TMEM38B: variants seen among roughly 807,000 people sequenced by gnomAD.
TMEM38B encodes trimeric intracellular cation channel type B.
In TMEM38B, 24 loss-of-function variants were observed where a neutral mutation model predicts 28.7. The ratio of observed to expected loss-of-function variants is 0.84; its 90% CI spans 0.61 to 1.18. The LOEUF (loss-of-function observed/expected upper bound fraction) is 1.18. Among genes scored for constraint, TMEM38B ranks in the 50% most tolerant of loss-of-function variants. The pLI, the probability that TMEM38B is intolerant of heterozygous loss-of-function variation, is 0.00. For missense variants in TMEM38B, 380 were observed against 350.9 expected (o/e 1.08, Z -0.66); for synonymous variants, 131 against 127.7 (o/e 1.03, Z -0.17).
chr9:105,770,645 A>C (rs1450282081), intron 5 of TMEM38B, among the ~76,000 whole-genome samples: 1 of 152,160 alleles, frequency 6.6e-6, no homozygotes, highest in Non-Finnish European at 1.5e-5. Context: ...CTATGGAGAA[A>C]GCATAGAGTG....
At chr9:105,704,482 T>C (rs1368082711) in intron 1 of TMEM38B, among the ~76,000 whole-genome samples, 2 of 149,530 alleles carry the variant, frequency 1.3e-5, no homozygotes, top group African/African-American at 2.6e-5. Flanking sequence ...TTTATTGGCC[T>C]TTTTTTTGGG....
chr9:105,747,450 A>G (rs1237939757), intron 4 of TMEM38B, among the ~76,000 whole-genome samples: 1 of 151,924 alleles, frequency 6.6e-6, no homozygotes, highest in African/African-American at 2.4e-5. Flanking sequence ...TATTGCGTCT[A>G]TTTGAGTCTT....
intron 4 of TMEM38B, among the ~76,000 whole-genome samples, chr9:105,737,603 T>C (rs1217952438): frequency 6.6e-6 from 1 of 152,156 alleles, no homozygotes; most frequent in Non-Finnish European, 1.5e-5. Flanking sequence ...TGGGGACTAG[T>C]CCAGTTCTGT....
At chr9:105,773,530 A>C (rs967097740) in intron 5 of TMEM38B, among the ~76,000 whole-genome samples, 1 of 152,206 alleles carries the variant, frequency 6.6e-6, no homozygotes, top group Non-Finnish European at 1.5e-5. Flanking sequence ...CGACAATGTA[A>C]AGCACTTATC....
intron 5 of TMEM38B, among the ~76,000 whole-genome samples, chr9:105,767,402 A>C (rs562695171): frequency 3.3e-5 from 5 of 152,172 alleles, no homozygotes; most frequent in Non-Finnish European, 7.4e-5. Flanking sequence ...TTATTTTCTC[A>C]ATATTTCTTA....
intron 5 of TMEM38B, among the ~76,000 whole-genome samples, chr9:105,768,707 T>C (rs1024670358): frequency 3.3e-5 from 5 of 152,188 alleles, no homozygotes; most frequent in African/African-American, 4.8e-5. Flanking sequence ...TAATAGTTTT[T>C]TGTTATCCCT....
chr9:105,704,658 G>A (rs1835588580), intron 1 of TMEM38B, among the ~76,000 whole-genome samples: 1 of 151,974 alleles, frequency 6.6e-6, no homozygotes, highest in African/African-American at 2.4e-5. Flanking sequence ...GGGCTCGGTG[G>A]CTCACGCCTG....
intron 4 of TMEM38B, among the ~76,000 whole-genome samples, chr9:105,746,367 G>T (rs1182113728): frequency 1.3e-5 from 2 of 152,028 alleles, no homozygotes; most frequent in Admixed American, 6.6e-5. Flanking sequence ...CTCATGATTT[G>T]GCTCTCTATT....
chr9:105,755,717 G>A (rs964983653), intron 5 of TMEM38B, among the ~76,000 whole-genome samples: 3 of 151,978 alleles, frequency 2.0e-5, no homozygotes, highest in African/African-American at 7.3e-5. Flanking sequence ...ATTTAGTTGG[G>A]CCATCTTTGT....
Position 105,774,746 on chromosome 9 carries a change from T to C in TMEM38B, c.*666T>C, listed in dbSNP as rs1324042365. 2 of 152,032 alleles carry C rather than the reference T, an allele frequency of 1.3e-5. No individual in the cohort carries two copies. The highest frequency in any genetic ancestry group is 4.8e-5 in the African/African-American group (2 of 41,450). 9.4% of individuals were successfully genotyped at this position (152,032 alleles called of 1,614,324 possible). On this transcript the variant is annotated 3_prime_UTR_variant, in exon 6 of 6. Transcript: ENST00000374692. Reference sequence around the variant, plus strand: ...ATTTAGAACAGAGTATGAGTCTTAATCTGAAGTCTTTTTCATGCCCTTGTT... The same window carrying C: ...ATTTAGAACAGAGTATGAGTCTTAACCTGAAGTCTTTTTCATGCCCTTGTT...
intron 5 of TMEM38B, among the ~76,000 whole-genome samples, chr9:105,765,146 T>G (rs1226139198): frequency 1.3e-5 from 2 of 152,228 alleles, no homozygotes; most frequent in Non-Finnish European, 1.5e-5. Flanking sequence ...CTAAGGCATT[T>G]GTATGCTGAA....
intron 5 of TMEM38B, among the ~76,000 whole-genome samples, chr9:105,755,661 A>G (rs1020980421): frequency 2.0e-5 from 3 of 152,236 alleles, no homozygotes; most frequent in African/African-American, 7.2e-5. Flanking sequence ...AATAATTGCC[A>G]TCTTAACAAT....
rs562876414 is a variant in TMEM38B at position 105,730,240 on chromosome 9, G to C, written c.542+7619G>C. ...TGTCATAAATAGCTCTTATTATTTT[G>C]AGATACGTTTCAGCAATACCTAGTT... On this transcript the variant is annotated intron_variant, in intron 4 of 5. Coordinates refer to ENST00000374692, the MANE Select transcript of TMEM38B (RefSeq NM_018112.3). 7.9e-5 allele frequency among the ~76,000 whole-genome samples: 12 copies of C among 152,244 alleles called. No homozygotes were observed. The South Asian group carries it at 2.3e-3, about 29-fold the overall frequency.
chr9:105,757,924 T>C (rs984437059), intron 5 of TMEM38B, among the ~76,000 whole-genome samples: 14 of 152,248 alleles, frequency 9.2e-5, no homozygotes, highest in Admixed American at 3.3e-4. Flanking sequence ...TCTGACAAGG[T>C]TGAAGATCCA....
At chr9:105,755,775 T>C (rs769365065) in intron 5 of TMEM38B, among the ~76,000 whole-genome samples, 6 of 152,240 alleles carry the variant, frequency 3.9e-5, no homozygotes, top group African/African-American at 9.6e-5. Context: ...TATACCTAAG[T>C]ATTTTATTCT....
At chr9:105,736,221 C>T (rs189737241) in intron 4 of TMEM38B, among the ~76,000 whole-genome samples, 5 of 152,162 alleles carry the variant, frequency 3.3e-5, no homozygotes, top group African/African-American at 1.2e-4. Flanking sequence ...CCTTCTCCTT[C>T]TGTAGCTTTC....
intron 5 of TMEM38B, among the ~76,000 whole-genome samples, chr9:105,771,518 G>A (rs1424091654): frequency 6.6e-6 from 1 of 152,094 alleles, no homozygotes; most frequent in Non-Finnish European, 1.5e-5. Flanking sequence ...TTTGGATTTT[G>A]TAAAAAAGAC....
At chr9:105,748,029 G>C in intron 4 of TMEM38B, 44 bp from the exon 5 acceptor site, 1 of 1,310,032 alleles carries the variant, frequency 7.6e-7, no homozygotes, top group South Asian at 1.2e-5. Context: ...TTAGAGATAT[G>C]TCATATTTAT....
intron 5 of TMEM38B, among the ~76,000 whole-genome samples, chr9:105,753,406 C>A (rs1837727824): frequency 6.6e-6 from 1 of 152,028 alleles, no homozygotes; most frequent in Non-Finnish European, 1.5e-5. Flanking sequence ...ATGTTAAGGG[C>A]AGCCAGAGAG....
Sources: allele counts gnomAD v4.1 joint callset (sites outside exome capture counted in the v4.1 genomes callset), GRCh38; gene constraint gnomAD v4.1.1; transcripts MANE v1.5; gene names NCBI Gene and HGNC (gene_info 2026-07-23, HGNC 2026-07-21).